ARHGAP10: variants seen among roughly 807,000 people sequenced by gnomAD.
ARHGAP10 encodes Rho GTPase activating protein 10.
A neutral mutation model predicts 108.6 loss-of-function variants in ARHGAP10; 87 were observed. That is an observed-to-expected ratio of 0.80 (90% CI 0.67 to 0.96). The LOEUF is 0.96. Ranked by LOEUF, ARHGAP10 falls within the 40% of genes least tolerant of loss-of-function variation. ARHGAP10 has a pLI of 0.00. For missense variants in ARHGAP10, 939 were observed against 954.5 expected (o/e 0.98, Z 0.21); for synonymous variants, 347 against 341.1 (o/e 1.02, Z -0.19).
intron 22 of ARHGAP10, among the ~76,000 whole-genome samples, chr4:148,066,204 C>T (rs919847081): frequency 2.0e-5 from 3 of 152,104 alleles, no homozygotes; most frequent in African/African-American, 7.2e-5. Context: ...CACACTCTGG[C>T]GGAAGGAGGT....
chr4:148,007,233 G>GA (rs958490358), intron 18 of ARHGAP10, among the ~76,000 whole-genome samples: 2 of 152,120 alleles, frequency 1.3e-5, no homozygotes, highest in Non-Finnish European at 2.9e-5. Flanking sequence ...TTTTCTTTCG[G>GA]AAAGAGATAA....
chr4:147,978,521 T>A (rs1739686773), intron 18 of ARHGAP10, among the ~76,000 whole-genome samples: 1 of 152,118 alleles, frequency 6.6e-6, no homozygotes, highest in Non-Finnish European at 1.5e-5. Context: ...TAGTGAGTTT[T>A]TCTCAGATCT....
intron 1 of ARHGAP10, among the ~76,000 whole-genome samples, chr4:147,734,999 G>A (rs1728362171): frequency 6.6e-6 from 1 of 152,118 alleles, no homozygotes; most frequent in South Asian, 2.1e-4. Flanking sequence ...TCTCCTGTTT[G>A]CATTACATTC....
rs376084283 is a variant in ARHGAP10, at chr4:147,876,788, C to A, written c.832+1638C>A. 9.2e-5 allele frequency among the ~76,000 whole-genome samples: 14 copies of A among 152,260 alleles called. No homozygotes were observed. In the East Asian group the frequency reaches 2.5e-3, roughly 27 times the overall value. ...AAATTCTTTCCTCATTTACTGTATA[C>A]CCAGCACTGTGCTAAATTCGTATAC... On this transcript the variant is annotated intron_variant, in intron 8 of 22. Transcript: ENST00000336498.
intron 22 of ARHGAP10, among the ~76,000 whole-genome samples, chr4:148,070,858 G>T (rs571464919): frequency 6.6e-6 from 1 of 152,254 alleles, no homozygotes; most frequent in East Asian, 1.9e-4. Flanking sequence ...GTTTGAGCTG[G>T]GGCCTGCTCA....
rs765432394 is a variant in ARHGAP10, at chr4:147,936,317, CTTT to C, written c.1229-3488_1229-3486del. Among the ~76,000 whole-genome samples, 828 of 97,838 alleles carry C rather than the reference CTTT, an allele frequency of 8.5e-3. 3 individuals carry two copies. Among genetic ancestry groups the C allele is most frequent in the Admixed American group, 0.028 (195 of 7,078 alleles). The allele number at this position is 97,838 out of a possible 152,430, so 64.2% of individuals were successfully genotyped here. A position where few individuals can be genotyped will look rare whatever the true frequency, so the allele number is the denominator to read the frequency against. Reference sequence around the variant, plus strand: ...GGGCTGTGCGGCCTCCTTTTCCTCTCTTTTTTTTTTTTTTTTTTTTTTGAGATG... The same window carrying C: ...GGGCTGTGCGGCCTCCTTTTCCTCTCTTTTTTTTTTTTTTTTTTTGAGATG... On this transcript the variant is annotated intron_variant, in intron 13 of 22. Coordinates refer to ENST00000336498, the MANE Select transcript of ARHGAP10 (RefSeq NM_024605.4).
chr4:148,031,074 A>C (rs78334046), intron 19 of ARHGAP10, among the ~76,000 whole-genome samples: 7 of 152,102 alleles, frequency 4.6e-5, no homozygotes, highest in Non-Finnish European at 7.4e-5. Context: ...ACAACAACAA[A>C]AAAATGAATT....
chr4:148,038,178 A>G (rs1046137119), intron 19 of ARHGAP10, among the ~76,000 whole-genome samples: 2 of 152,142 alleles, frequency 1.3e-5, no homozygotes, highest in African/African-American at 2.4e-5. Context: ...ATATATATGA[A>G]ATGAGTTTGG....
At chr4:147,806,200 A>G (rs995000778) in intron 1 of ARHGAP10, among the ~76,000 whole-genome samples, 1 of 152,132 alleles carries the variant, frequency 6.6e-6, no homozygotes, top group Non-Finnish European at 1.5e-5. Context: ...TCCAGAGTCC[A>G]GGCGGCTTTC....
At chr4:147,813,185 A>C (rs1255477505) in intron 1 of ARHGAP10, among the ~76,000 whole-genome samples, 2 of 151,930 alleles carry the variant, frequency 1.3e-5, no homozygotes, top group African/African-American at 4.8e-5. Flanking sequence ...AATGTAGTAA[A>C]GTCTTCAAAC....
chr4:147,761,226 A>G (rs1729576367), intron 1 of ARHGAP10, among the ~76,000 whole-genome samples: 2 of 151,924 alleles, frequency 1.3e-5, no homozygotes, highest in Admixed American at 1.3e-4. Flanking sequence ...TATGTTACCC[A>G]TTCTGGTCTT....
At chr4:147,975,870 G>A (rs1194887710) in intron 18 of ARHGAP10, among the ~76,000 whole-genome samples, 1 of 152,170 alleles carries the variant, frequency 6.6e-6, no homozygotes, top group Non-Finnish European at 1.5e-5. Context: ...GTATCACACT[G>A]TGTTGTTTCA....
intron 10 of ARHGAP10, among the ~76,000 whole-genome samples, chr4:147,890,040 A>G (rs1735736094): frequency 6.6e-6 from 1 of 152,176 alleles, no homozygotes; most frequent in African/African-American, 2.4e-5. Flanking sequence ...TCCATTTATC[A>G]CATAGCACTG....
At chr4:147,982,620 C>T (rs986151997) in intron 18 of ARHGAP10, among the ~76,000 whole-genome samples, 4 of 131,938 alleles carry the variant, frequency 3.0e-5, no homozygotes, top group East Asian at 2.3e-4. Context: ...AGGCTGGTCT[C>T]GAACTCCTTG....
intron 1 of ARHGAP10, among the ~76,000 whole-genome samples, chr4:147,738,723 C>T (rs1728532276): frequency 6.6e-6 from 1 of 152,150 alleles, no homozygotes; most frequent in Non-Finnish European, 1.5e-5. Context: ...CTCAAAATAG[C>T]TGTTCTGCAC....
intron 1 of ARHGAP10, among the ~76,000 whole-genome samples, chr4:147,812,773 G>A (rs1485907289): frequency 6.6e-6 from 1 of 152,104 alleles, no homozygotes; most frequent in East Asian, 1.9e-4. Flanking sequence ...CTGAACCCAG[G>A]ACCCAAAGCC....
At position 147,965,146 on chromosome 4, in the gene ARHGAP10, T is replaced by G; in HGVS notation, c.1556+17T>G. 1 of 1,580,444 alleles carries G rather than the reference T, an allele frequency of 6.3e-7. No individual in the cohort carries two copies. On this transcript the variant is annotated intron_variant, in intron 17 of 22. Coordinates refer to ENST00000336498, the MANE Select transcript of ARHGAP10 (RefSeq NM_024605.4). ...CTTAACAAAGTAAGCCTCTTTTTCT[T>G]CGTTTTAACTTTCTTCACTTTGCTC... is the stretch of plus-strand genomic sequence containing the variant.
At chr4:147,800,398 C>A (rs1438082367) in intron 1 of ARHGAP10, among the ~76,000 whole-genome samples, 2 of 152,186 alleles carry the variant, frequency 1.3e-5, no homozygotes, top group Non-Finnish European at 2.9e-5. Context: ...TCACTTGTGG[C>A]TGGGGAGTCT....
intron 18 of ARHGAP10, among the ~76,000 whole-genome samples, chr4:147,989,906 T>G (rs1336050364): frequency 6.6e-6 from 1 of 152,220 alleles, no homozygotes; most frequent in African/African-American, 2.4e-5. Context: ...TTACAATTTA[T>G]GTTTAGAGAT....
Sources: gnomAD v4.1 joint callset for allele counts (sites outside exome capture counted in the v4.1 genomes callset) on GRCh38, gnomAD v4.1.1 for gene constraint, MANE v1.5 for transcripts, NCBI Gene and HGNC (gene_info 2026-07-23, HGNC 2026-07-21) for gene names.